RPN1: variants seen among roughly 807,000 people sequenced by gnomAD.
RPN1 encodes the protein dolichyl-diphosphooligosaccharide--protein glycosyltransferase subunit 1.
A neutral mutation model predicts 55.5 loss-of-function variants in RPN1; 12 were observed. The ratio of observed to expected loss-of-function variants is 0.22; its 90% CI spans 0.14 to 0.35. The LOEUF is 0.35. RPN1 is among the 10% of genes least tolerant of loss of function. RPN1 has a pLI of 1.00. For synonymous variants in RPN1, 317 were observed against 305.9 expected (o/e 1.04, Z -0.38); for missense variants, 679 against 761.3 (o/e 0.89, Z 1.27).
rs150960958 is a variant in RPN1 at position 128,637,502 on chromosome 3, C to T, written c.633+297G>A. Among the ~76,000 whole-genome samples, 248 of 152,222 alleles carry T rather than the reference C, an allele frequency of 1.6e-3. 2 individuals are homozygous for T. The highest frequency in any genetic ancestry group is 5.5e-3 in the African/African-American group (227 of 41,544). Reference sequence around the variant, plus strand: ...CTTTGCTACCCCAGTATCTGCCCAGCCACACCATCTCAAAGCCTTTGTCCC... The same window carrying T: ...CTTTGCTACCCCAGTATCTGCCCAGTCACACCATCTCAAAGCCTTTGTCCC... On this transcript the variant is annotated intron_variant, in intron 3 of 9. Transcript: ENST00000296255.
rs148057675 is a variant in RPN1, at chr3:128,632,823, G to A, written c.634-666C>T. 4.5e-3 allele frequency among the ~76,000 whole-genome samples: 692 copies of A among 152,274 alleles called. 1 individual carries two copies. Among genetic ancestry groups the A allele is most frequent in the African/African-American group, 0.016 (645 of 41,554 alleles). ...TTGGCCAAGCTGGTCTCGAACCCCTGACCTCAGGTGATCTGCCCACCTTGG... is the reference window on the plus strand; with the variant it reads ...TTGGCCAAGCTGGTCTCGAACCCCTAACCTCAGGTGATCTGCCCACCTTGG... On this transcript the variant is annotated intron_variant, in intron 3 of 9. Transcript: ENST00000296255.
chr3:128,620,031 AAC>A lies in RPN1; in HGVS notation c.*378_*379del. The A allele has an allele frequency of 4.4e-6, 1 of 226,760 alleles. No individual in the cohort carries two copies. Among genetic ancestry groups the A allele is most frequent in the Non-Finnish European group, 8.7e-6 (1 of 114,322 alleles). 14.0% of individuals were successfully genotyped at this position (226,760 alleles called of 1,614,324 possible). A position where few individuals can be genotyped will look rare whatever the true frequency, so the allele number is the denominator to read the frequency against. Reference sequence around the variant, plus strand: ...CACACGCTTTAAAAAAAAAAAAAAAAACACATGCACTCACACAATACCCAAAC... The same window carrying A: ...CACACGCTTTAAAAAAAAAAAAAAAAACATGCACTCACACAATACCCAAAC... On this transcript the variant is annotated 3_prime_UTR_variant, in exon 10 of 10. Transcript: ENST00000296255.
intron 8 of RPN1, among the ~76,000 whole-genome samples, chr3:128,623,550 A>AT (rs11385470): frequency 0.61 from 92,414 of 151,438 alleles, 28,377 homozygotes; most frequent in East Asian, 0.77. Context: ...GAAAAAAAAC[A>AT]TTTTTTTAAT....
chr3:128,626,965 A>C, intron 5 of RPN1, 133 bp from the exon 6 acceptor site: 1 of 729,286 alleles, frequency 1.4e-6, no homozygotes, highest in Non-Finnish European at 2.3e-6. Flanking sequence ...CCATGTTTAC[A>C]ACAAAACCAG....
At chr3:128,620,949 T>C (rs1463707641) in intron 9 of RPN1, among the ~76,000 whole-genome samples, 2 of 152,162 alleles carry the variant, frequency 1.3e-5, no homozygotes, top group African/African-American at 4.8e-5. Context: ...CTTCTCTCCT[T>C]GCAGCTTGTC....
chr3:128,624,308 G>A (rs960288073), intron 8 of RPN1, among the ~76,000 whole-genome samples: 5 of 152,028 alleles, frequency 3.3e-5, no homozygotes, highest in South Asian at 4.1e-4. Context: ...GTGAAACCCC[G>A]TCTCTACTAA....
intron 2 of RPN1, 176 bp downstream of exon 2, chr3:128,644,743 G>A (rs547661919): frequency 1.1e-5 from 7 of 646,608 alleles, no homozygotes; most frequent in African/African-American, 9.2e-5. Context: ...AGGATGGCTT[G>A]AGCTCAGGAG....
chr3:128,624,447 T>C (rs1174502208), intron 8 of RPN1, among the ~76,000 whole-genome samples: 1 of 148,664 alleles, frequency 6.7e-6, no homozygotes, highest in African/African-American at 2.5e-5. Flanking sequence ...ACCACTGCAC[T>C]CCAGCCTGGG....
chr3:128,650,440 T>A (rs2069808600), intron 1 of RPN1, 100 bp downstream of exon 1: 1 of 1,243,286 alleles, frequency 8.0e-7, no homozygotes, highest in Admixed American at 2.9e-5. Flanking sequence ...GGTCTCCGCA[T>A]TTCCTGAGGC....
rs371612229 is a variant in RPN1, at chr3:128,637,911, C to T, written c.521G>A (p.Arg174His). The change falls in exon 3 of 10, where the codon CGT becomes CAT. Residue 174 changes from arginine to histidine, a missense_variant. Arg to His is a conservative substitution (Grantham distance 29, BLOSUM62 0). Around this residue, in one of 3 missense-constraint regions of RPN1, gnomAD observed 352 missense variants for 352.8 expected, o/e 1.00. Transcript: ENST00000296255. ...SPYPTKTQTM[R>H]VKLASRNVES... Reference sequence around the variant, plus strand: ...CACATTTCGAGAGGCAAGCTTCACACGCATGGTTTGTGTCTTCGTTGGATA... The same window carrying T: ...CACATTTCGAGAGGCAAGCTTCACATGCATGGTTTGTGTCTTCGTTGGATA... 1.7e-5 allele frequency: 28 copies of T among 1,614,068 alleles called. No homozygotes were observed. Among genetic ancestry groups the T allele is most frequent in the African/African-American group, 6.7e-5 (5 of 74,922 alleles).
chr3:128,623,540 GA>G (rs949641137), intron 8 of RPN1, among the ~76,000 whole-genome samples: 1 of 105,748 alleles, frequency 9.5e-6, no homozygotes, highest in African/African-American at 3.5e-5. Flanking sequence ...TCTGTCTCGA[GA>G]AAAAAAACAT....
At chr3:128,621,844 A>T (rs756884880) in intron 9 of RPN1, among the ~76,000 whole-genome samples, 2 of 152,208 alleles carry the variant, frequency 1.3e-5, no homozygotes, top group African/African-American at 4.8e-5. Context: ...GTCTAGGTTC[A>T]TTTTACCACA....
Position 128,640,134 on chromosome 3 carries a change from T to C in RPN1, c.327-2029A>G, listed in dbSNP as rs765205591. ...TTGCAGTGAGCCGAGATTGTGCCACTGCACTCCAGCCTGGGTGACGGAGCG... is the reference window on the plus strand; with the variant it reads ...TTGCAGTGAGCCGAGATTGTGCCACCGCACTCCAGCCTGGGTGACGGAGCG... On this transcript the variant is annotated intron_variant, in intron 2 of 9. Transcript: ENST00000296255. Among the ~76,000 whole-genome samples the C allele has an allele frequency of 2.1e-3, 317 of 151,930 alleles. 3 individuals are homozygous for C. The highest frequency in any genetic ancestry group is 3.0e-3 in the Non-Finnish European group (206 of 67,976).
chr3:128,638,204 A>C, intron 2 of RPN1, 99 bp from the exon 3 acceptor site: 1 of 819,836 alleles, frequency 1.2e-6, no homozygotes, highest in Non-Finnish European at 1.9e-6. Flanking sequence ...CCAAAGACAA[A>C]AGCAATTATC....
intron 4 of RPN1, 111 bp downstream of exon 4, chr3:128,631,837 C>G: frequency 9.0e-7 from 1 of 1,108,024 alleles, no homozygotes; most frequent in Non-Finnish European, 1.3e-6. Context: ...AGATGAACAT[C>G]AGTCAACCCT....
chr3:128,650,516 C>T, intron 1 of RPN1, 24 bp downstream of exon 1: 6 of 1,516,056 alleles, frequency 4.0e-6, no homozygotes, highest in Non-Finnish European at 5.3e-6. Flanking sequence ...CCGGGAGCGG[C>T]GGCGAGGGGT....
chr3:128,649,437 A>C (rs1451332582), intron 1 of RPN1, among the ~76,000 whole-genome samples: 1 of 152,202 alleles, frequency 6.6e-6, no homozygotes, highest in Non-Finnish European at 1.5e-5. Context: ...ATCTTTCCAC[A>C]AGCCTTTGAG....
rs562046413 is a variant in RPN1, at chr3:128,620,402, G to A, written c.*9C>T. Reference sequence around the variant, plus strand: ...GCACCCTGGGCCCCCTGGAGGATGCGGGCAGGGGCTACAGGGCATCCAGGA... The same window carrying A: ...GCACCCTGGGCCCCCTGGAGGATGCAGGCAGGGGCTACAGGGCATCCAGGA... On this transcript the variant is annotated 3_prime_UTR_variant, in exon 10 of 10. Transcript: ENST00000296255. 39 of 1,605,498 alleles carry A rather than the reference G, an allele frequency of 2.4e-5. No homozygotes were observed. The highest frequency in any genetic ancestry group is 6.6e-5 in the South Asian group (6 of 90,374).
chr3:128,643,852 A>C (rs1030388669), intron 2 of RPN1, among the ~76,000 whole-genome samples: 1 of 151,864 alleles, frequency 6.6e-6, no homozygotes, highest in Non-Finnish European at 1.5e-5. Context: ...AATCCCAGAT[A>C]CTCGGGAGCC....
Sources: allele counts gnomAD v4.1 joint callset (sites outside exome capture counted in the v4.1 genomes callset), GRCh38; gene constraint gnomAD v4.1.1; regional missense constraint gnomAD v4.1.1; transcripts MANE v1.5; gene names NCBI Gene and HGNC (gene_info 2026-07-23, HGNC 2026-07-21).